GNA12: variants seen among roughly 807,000 people sequenced by gnomAD.
GNA12 encodes the protein G protein subunit alpha 12, also known as guanine nucleotide-binding protein subunit alpha-12.
In GNA12, 9 loss-of-function variants were observed where a neutral mutation model predicts 26.0. That is an observed-to-expected ratio of 0.35 (90% CI 0.21 to 0.60). GNA12 has a LOEUF of 0.60. GNA12 is among the 20% of genes least tolerant of loss of function. The probability of loss-of-function intolerance (pLI) is 0.78; values close to 1 mark genes in which losing one functional copy is unlikely to be tolerated. For missense variants in GNA12, 405 were observed against 525.8 expected (o/e 0.77, Z 2.25); for synonymous variants, 264 against 219.6 (o/e 1.20, Z -1.79).
chr7:2,817,254 G>A lies in GNA12; in HGVS notation c.310-22111C>T, dbSNP rs535294658. On this transcript the variant is annotated intron_variant, in intron 1 of 3. Transcript: ENST00000275364. ...CTGATAGCTGAAATTACAGGCACGCGCCACCATGCCCAGCTCATTTTTTGT... is the reference window on the plus strand; with the variant it reads ...CTGATAGCTGAAATTACAGGCACGCACCACCATGCCCAGCTCATTTTTTGT... Among the ~76,000 whole-genome samples the A allele has an allele frequency of 1.4e-4, 22 of 152,238 alleles. No individual in the cohort carries two copies. The South Asian group carries it at 2.9e-3, about 20-fold the overall frequency.
chr7:2,825,526 G>A (rs1054543002), intron 1 of GNA12, among the ~76,000 whole-genome samples: 4 of 152,220 alleles, frequency 2.6e-5, no homozygotes, highest in African/African-American at 9.6e-5. Context: ...TGTAAACTAG[G>A]GAAGGAGGTG....
chr7:2,821,889 T>A (rs983776948), intron 1 of GNA12, among the ~76,000 whole-genome samples: 1 of 152,192 alleles, frequency 6.6e-6, no homozygotes, highest in Non-Finnish European at 1.5e-5. Flanking sequence ...TTTTCCTGTA[T>A]TTATTACAAG....
At chr7:2,746,924 A>G (rs1162979305) in intron 2 of GNA12, among the ~76,000 whole-genome samples, 6 of 152,268 alleles carry the variant, frequency 3.9e-5, no homozygotes, top group African/African-American at 1.2e-4. Context: ...TCTAGAAGAA[A>G]TGGATAAATT....
At chr7:2,831,893 G>C (rs1718071434) in intron 1 of GNA12, among the ~76,000 whole-genome samples, 1 of 152,170 alleles carries the variant, frequency 6.6e-6, no homozygotes, top group Non-Finnish European at 1.5e-5. Context: ...ATGGAAACCG[G>C]AAGGCAGGTG....
intron 1 of GNA12, among the ~76,000 whole-genome samples, chr7:2,808,564 A>T (rs1389010334): frequency 6.6e-6 from 1 of 152,200 alleles, no homozygotes; most frequent in African/African-American, 2.4e-5. Context: ...ACAGAGCAGC[A>T]GCGGCCTGCA....
At chr7:2,814,324 G>C in intron 1 of GNA12, 1 of 1,573,382 alleles carries the variant, frequency 6.4e-7, no homozygotes, top group Non-Finnish European at 8.7e-7. Flanking sequence ...TGGACCCAGG[G>C]TGTGCAATGA....
chr7:2,733,643 C>T (rs1210008213), intron 2 of GNA12, 142 bp from the exon 3 acceptor site: 14 of 654,588 alleles, frequency 2.1e-5, no homozygotes, highest in Middle Eastern at 2.5e-4. Context: ...AGAGAGTGTC[C>T]GTGTGTTTTC....
At chr7:2,837,658 G>C (rs1389950742) in intron 1 of GNA12, among the ~76,000 whole-genome samples, 1 of 152,196 alleles carries the variant, frequency 6.6e-6, no homozygotes, top group African/African-American at 2.4e-5. Context: ...CTGAAACAAT[G>C]TGAAGGTATC....
At position 2,836,856 on chromosome 7, in the gene GNA12, G is replaced by A. The variant is rs1057040669; in HGVS notation, c.309+6997C>T. 6.6e-5 allele frequency among the ~76,000 whole-genome samples: 10 copies of A among 152,206 alleles called. 1 individual carries two copies. The highest frequency in any genetic ancestry group is 2.6e-4 in the Admixed American group (4 of 15,288). The stretch of plus-strand genomic sequence containing the variant: ...GGAGAATCGCTTGAACCTGGGTGGC[G>A]GAGGTTGCAGTGAGCCAGGATTGCG... On this transcript the variant is annotated intron_variant, in intron 1 of 3. Coordinates refer to ENST00000275364, the MANE Select transcript of GNA12 (RefSeq NM_007353.3).
intron 2 of GNA12, among the ~76,000 whole-genome samples, chr7:2,751,620 A>C (rs374039054): frequency 6.6e-6 from 1 of 152,220 alleles, no homozygotes; most frequent in African/African-American, 2.4e-5. Context: ...CAGAACTGAT[A>C]ACCTCCTAAG....
intron 1 of GNA12, among the ~76,000 whole-genome samples, chr7:2,800,723 C>T (rs546993388): frequency 3.3e-5 from 5 of 152,280 alleles, no homozygotes; most frequent in East Asian, 1.9e-4. Context: ...GGGCCTCAGA[C>T]GGAGCTTTCC....
rs191679819 is a variant in GNA12 at position 2,804,317 on chromosome 7, G to C, written c.310-9174C>G. 7.9e-5 allele frequency among the ~76,000 whole-genome samples: 12 copies of C among 152,286 alleles called. No individual in the cohort carries two copies. In the East Asian group the frequency reaches 2.3e-3, roughly 29 times the overall value. ...AATAGACTGCAAATAATAAAGGTAA[G>C]TGTTTCAAAGAATTTGTTTTAGCAG... On this transcript the variant is annotated intron_variant, in intron 1 of 3. Coordinates refer to ENST00000275364, the MANE Select transcript of GNA12 (RefSeq NM_007353.3).
chr7:2,755,330 T>G (rs1343619818), intron 2 of GNA12, among the ~76,000 whole-genome samples: 2 of 152,252 alleles, frequency 1.3e-5, no homozygotes, highest in Non-Finnish European at 2.9e-5. Flanking sequence ...GTGTCAAATC[T>G]GTGTATCAAT....
intron 2 of GNA12, among the ~76,000 whole-genome samples, chr7:2,789,930 G>C (rs1792474799): frequency 6.6e-6 from 1 of 152,246 alleles, no homozygotes; most frequent in Non-Finnish European, 1.5e-5. Context: ...GCCTGTGTCA[G>C]TTTTTGGCTC....
At chr7:2,795,215 A>C in intron 1 of GNA12, 72 bp from the exon 2 acceptor site, 11 of 1,082,286 alleles carry the variant, frequency 1.0e-5, no homozygotes, top group African/African-American at 1.6e-5. Context: ...GAAGCTCAAA[A>C]TGGGCATCCA....
intron 2 of GNA12, among the ~76,000 whole-genome samples, chr7:2,738,134 G>A (rs141208739): frequency 1.3e-5 from 2 of 152,092 alleles, no homozygotes; most frequent in Non-Finnish European, 2.9e-5. Flanking sequence ...CAAATATTAG[G>A]TAAGAGGACC....
chr7:2,762,595 A>G (rs749373757), intron 2 of GNA12: 2 of 1,511,656 alleles, frequency 1.3e-6, no homozygotes, highest in Non-Finnish European at 1.8e-6. Flanking sequence ...TACAAACCCA[A>G]AAAAGGACAA....
At chr7:2,781,146 G>C (rs1262234716) in intron 2 of GNA12, among the ~76,000 whole-genome samples, 1 of 152,184 alleles carries the variant, frequency 6.6e-6, no homozygotes, top group Non-Finnish European at 1.5e-5. Flanking sequence ...CACCTTTGTA[G>C]GTTACAGATA....
intron 1 of GNA12, among the ~76,000 whole-genome samples, chr7:2,821,375 C>T (rs1180148797): frequency 6.6e-6 from 1 of 152,172 alleles, no homozygotes; most frequent in Admixed American, 6.5e-5. Context: ...GGGTTCCCTT[C>T]CCTCGTAAAT....
Sources: allele counts gnomAD v4.1 joint callset (sites outside exome capture counted in the v4.1 genomes callset), GRCh38; gene constraint gnomAD v4.1.1; transcripts MANE v1.5; gene names NCBI Gene and HGNC (gene_info 2026-07-23, HGNC 2026-07-21).